PCSK5: variants seen among roughly 807,000 people sequenced by gnomAD.
PCSK5 encodes the protein prohormone convertase 5.
Under a neutral mutation model 233.2 loss-of-function variants are expected in PCSK5, and 129 were observed. The ratio of observed to expected loss-of-function variants is 0.55; its 90% CI spans 0.48 to 0.64. The LOEUF (loss-of-function observed/expected upper bound fraction) is 0.64. PCSK5 is among the 30% of genes least tolerant of loss of function. The probability of loss-of-function intolerance (pLI) is 0.00; values close to 1 mark genes in which losing one functional copy is unlikely to be tolerated. For synonymous variants in PCSK5, 825 were observed against 879.2 expected, an observed-to-expected ratio of 0.94 and a Z score of 1.09; for missense variants, 2,076 against 2,430.1, an observed-to-expected ratio of 0.85 and a Z score of 3.06.
chr9:76,009,290 T>G (rs1443088298), intron 3 of PCSK5, among the ~76,000 whole-genome samples: 1 of 151,668 alleles, frequency 6.6e-6, no homozygotes, highest in African/African-American at 2.4e-5. Context: ...GGACTAAAAC[T>G]TTTTTTTTCA....
At chr9:76,177,500 G>A (rs1001603031) in intron 14 of PCSK5, among the ~76,000 whole-genome samples, 2 of 152,154 alleles carry the variant, frequency 1.3e-5, no homozygotes, top group Middle Eastern at 3.2e-3. Flanking sequence ...CAATAAACAT[G>A]CTTGAAATTA....
chr9:76,333,441 A>G (rs1011869525), intron 34 of PCSK5, among the ~76,000 whole-genome samples: 1 of 152,208 alleles, frequency 6.6e-6, no homozygotes, highest in Admixed American at 6.5e-5. Flanking sequence ...CCAACCTGTC[A>G]TGTCACCTAT....
intron 8 of PCSK5, among the ~76,000 whole-genome samples, chr9:76,105,953 A>T (rs1395076589): frequency 6.6e-6 from 1 of 152,242 alleles, no homozygotes; most frequent in Non-Finnish European, 1.5e-5. Flanking sequence ...AGACATATTC[A>T]TGTGACATAG....
At chr9:76,247,860 C>T (rs990872060) in intron 24 of PCSK5, among the ~76,000 whole-genome samples, 2 of 151,962 alleles carry the variant, frequency 1.3e-5, no homozygotes, top group Non-Finnish European at 2.9e-5. Context: ...TCTTGGCTCA[C>T]TGCAACCTCC....
chr9:76,344,898 AC>A (rs1301621374), intron 35 of PCSK5, among the ~76,000 whole-genome samples: 2 of 151,926 alleles, frequency 1.3e-5, no homozygotes, highest in Non-Finnish European at 2.9e-5. Flanking sequence ...AAACAGGACG[AC>A]ACCAGCCTTT....
intron 27 of PCSK5, among the ~76,000 whole-genome samples, chr9:76,297,090 G>A (rs1432530967): frequency 6.6e-6 from 1 of 152,152 alleles, no homozygotes; most frequent in African/African-American, 2.4e-5. Flanking sequence ...AGAGCCCAAA[G>A]GGCAATTTAT....
chr9:76,288,991 T>A (rs1441328266), intron 24 of PCSK5, among the ~76,000 whole-genome samples: 1 of 152,100 alleles, frequency 6.6e-6, no homozygotes, highest in Admixed American at 6.5e-5. Context: ...GAAGGCGATG[T>A]TGAAGCAGGA....
intron 28 of PCSK5, among the ~76,000 whole-genome samples, chr9:76,307,925 C>T (rs528806273): frequency 6.8e-4 from 103 of 152,168 alleles, no homozygotes; most frequent in African/African-American, 2.2e-3. Context: ...CGGCCGGGCG[C>T]GGTGGCTCAC....
intron 27 of PCSK5, among the ~76,000 whole-genome samples, chr9:76,297,866 T>G (rs935024466): frequency 6.6e-6 from 1 of 152,122 alleles, no homozygotes; most frequent in African/African-American, 2.4e-5. Flanking sequence ...GGCTGCTGTC[T>G]ACTACGGCAG....
intron 10 of PCSK5, among the ~76,000 whole-genome samples, chr9:76,137,499 T>C (rs1306978821): frequency 6.6e-6 from 1 of 152,124 alleles, no homozygotes; most frequent in Non-Finnish European, 1.5e-5. Context: ...AATTAAAATA[T>C]CTTTTCTGGT....
chr9:75,898,681 A>T (rs1825907108), intron 1 of PCSK5, among the ~76,000 whole-genome samples: 3 of 138,566 alleles, frequency 2.2e-5, no homozygotes. Flanking sequence ...AAAAAAACCC[A>T]CTAGAGATCA....
rs7861425 is a variant in PCSK5 at position 76,165,186 on chromosome 9, G to T, written c.1620-4518G>T. ...TTCAAGCTCTACCTTAAATTGTAAT[G>T]AATCACTTTAAAAAAATAAAAAATA... On this transcript the variant is annotated intron_variant, in intron 12 of 37. Transcript: ENST00000674117. 4.2e-3 allele frequency among the ~76,000 whole-genome samples: 642 copies of T among 152,074 alleles called. 4 individuals carry two copies. The highest frequency in any genetic ancestry group is 0.015 in the African/African-American group (604 of 41,474).
At chr9:76,135,322 C>G (rs1822925269) in intron 10 of PCSK5, among the ~76,000 whole-genome samples, 1 of 151,944 alleles carries the variant, frequency 6.6e-6, no homozygotes, top group Admixed American at 6.6e-5. Flanking sequence ...TTATTATAGA[C>G]TCATGCTGAA....
chr9:75,904,383 A>G (rs1826175426), intron 1 of PCSK5, among the ~76,000 whole-genome samples: 1 of 152,230 alleles, frequency 6.6e-6, no homozygotes, highest in Admixed American at 6.5e-5. Context: ...ATATTTGCAA[A>G]TCATATCTGA....
chr9:75,910,266 C>T (rs80204397), intron 1 of PCSK5, among the ~76,000 whole-genome samples: 2,749 of 152,148 alleles, frequency 0.018, 39 homozygotes, highest in South Asian at 0.035. Context: ...ATAAGAACCC[C>T]GTGATGTAAT....
chr9:76,048,933 T>TAGA (rs1813409447), intron 5 of PCSK5, among the ~76,000 whole-genome samples: 1 of 152,132 alleles, frequency 6.6e-6, no homozygotes, highest in South Asian at 2.1e-4. Context: ...GTAGAAAAGG[T>TAGA]AGAAGCATGT....
In PCSK5 at chr9:76,233,538, C is replaced by A. The variant is rs753343260; in HGVS notation, c.2808C>A (p.His936Gln). 9 of 1,612,414 alleles carry A rather than the reference C, an allele frequency of 5.6e-6. No homozygotes were observed. Among genetic ancestry groups the A allele is most frequent in the Non-Finnish European group, 7.6e-6 (9 of 1,179,736 alleles). Residue 936 changes from histidine (H) to glutamine (Q), a missense_variant, in exon 22 of 38, where the codon CAC becomes CAA. By Grantham distance (24) the His-to-Gln change is conservative. Coordinates refer to ENST00000674117, the MANE Select transcript of PCSK5 (RefSeq NM_001372043.1). ...FEFENQCHPCHHTCQRCQGSG... is the reference protein window; with the variant it reads ...FEFENQCHPCQHTCQRCQGSG... ...TTGAGAACCAATGCCATCCATGCCA[C>A]CACACCTGCCAGAGATGCCAAGGAA...
In PCSK5 at chr9:76,063,319, CTTTTTTTT is replaced by C. The variant is rs1157596601; in HGVS notation, c.633-4614_633-4607del. Among the ~76,000 whole-genome samples the C allele has an allele frequency of 1.8e-3, 108 of 59,710 alleles. 1 individual carries two copies. Among genetic ancestry groups the C allele is most frequent in the African/African-American group, 2.4e-3 (38 of 15,540 alleles). 39.2% of individuals were successfully genotyped at this position (59,710 alleles called of 152,430 possible). A position where few individuals can be genotyped will look rare whatever the true frequency, so the allele number is the denominator to read the frequency against. ...CTGGCTACTGGCTAATTTCTTTTTT[CTTTTTTTT>C]TTTTTTTTTTTTTTTTTTTTTATTG... is the stretch of plus-strand genomic sequence containing the variant. On this transcript the variant is annotated intron_variant, in intron 5 of 37. Coordinates refer to ENST00000674117, the MANE Select transcript of PCSK5 (RefSeq NM_001372043.1).
At chr9:76,041,571 G>A (rs185234767) in intron 5 of PCSK5, among the ~76,000 whole-genome samples, 2 of 152,186 alleles carry the variant, frequency 1.3e-5, no homozygotes, top group East Asian at 1.9e-4. Flanking sequence ...GCCAGGTGCG[G>A]TGGCTCACAC....
Sources: allele counts gnomAD v4.1 joint callset (sites outside exome capture counted in the v4.1 genomes callset), GRCh38; gene constraint gnomAD v4.1.1; transcripts MANE v1.5; gene names NCBI Gene and HGNC (gene_info 2026-07-23, HGNC 2026-07-21).